UGGT2: variants seen among roughly 807,000 people sequenced by gnomAD.
The protein encoded by UGGT2 is UDP-glucose glycoprotein glucosyltransferase 2, also known as UDP-glucose:glycoprotein glucosyltransferase 2.
UGGT2 carries 180 observed loss-of-function variants against 192.1 expected under a neutral mutation model. The observed-to-expected ratio is 0.94, with a 90% CI of 0.83 to 1.06. UGGT2 has a LOEUF of 1.06. Ranked by LOEUF, UGGT2 falls within the 50% of genes least tolerant of loss-of-function variation. The pLI is 0.00. For synonymous variants in UGGT2, 580 were observed against 591.0 expected, an observed-to-expected ratio of 0.98 and a Z score of 0.27; for missense variants, 1,849 against 1,795.7, an observed-to-expected ratio of 1.03 and a Z score of -0.54.
In UGGT2 at chr13:95,900,850, A is replaced by G. The variant is rs190052031; in HGVS notation, c.2591T>C (p.Leu864Pro). The G allele has an allele frequency of 2.5e-6, 4 of 1,611,884 alleles. No homozygotes were observed. In the East Asian group the frequency reaches 8.9e-5, roughly 36 times the overall value. ...ACCCATTTCTCCAGGACGTAATTTA[A>G]GTACATCTTGACAGAACAACTGGTG... Reference protein sequence around the residue: ...RTHQLFCQDVLKLRPGEMGIV... With the variant: ...RTHQLFCQDVPKLRPGEMGIV... The change falls in exon 22 of 39, where the codon CTT becomes CCT. Residue 864 changes from leucine (L) to proline (P), a missense_variant. By Grantham distance (98) the Leu-to-Pro change is moderately conservative. Transcript: ENST00000376747.
intron 27 of UGGT2, among the ~76,000 whole-genome samples, chr13:95,884,027 T>C (rs1201621848): frequency 7.3e-6 from 1 of 137,354 alleles, no homozygotes; most frequent in Non-Finnish European, 1.5e-5. Context: ...TACCCTAATT[T>C]AGTTAGGACT....
rs758396566 is a variant in UGGT2 at position 95,884,550 on chromosome 13, C to T, written c.3169G>A (p.Gly1057Ser). 15 of 1,613,796 alleles carry T rather than the reference C, an allele frequency of 9.3e-6. No individual in the cohort carries two copies. In the Admixed American group the frequency reaches 1.8e-4, roughly 20 times the overall value. Reference protein sequence around the residue: ...LLILNMITPEGWLVETVHSNC... With the variant: ...LLILNMITPESWLVETVHSNC... ...CTGTGCACTGTTTCAACCAACCAGC[C>T]TTCTGGAGTAATCATGTTGAGGATT... Residue 1057 changes from glycine (G) to serine (S), a missense_variant, in exon 27 of 39, where the codon GGC becomes AGC. Gly to Ser is a moderately conservative substitution (Grantham distance 56, BLOSUM62 0). Coordinates refer to ENST00000376747, the MANE Select transcript of UGGT2 (RefSeq NM_020121.4).
intron 5 of UGGT2, among the ~76,000 whole-genome samples, chr13:96,002,161 C>T (rs1274845876): frequency 1.3e-5 from 2 of 152,262 alleles, no homozygotes; most frequent in African/African-American, 2.4e-5. Flanking sequence ...TCTCCCACTC[C>T]CGTTCCTATT....
intron 10 of UGGT2, among the ~76,000 whole-genome samples, chr13:95,981,694 G>A (rs916413537): frequency 2.0e-5 from 3 of 152,070 alleles, no homozygotes; most frequent in Admixed American, 6.6e-5. Flanking sequence ...TGTACTTTTC[G>A]GTTTGTATGG....
intron 26 of UGGT2, among the ~76,000 whole-genome samples, chr13:95,886,781 G>A (rs577954234): frequency 6.6e-6 from 1 of 152,270 alleles, no homozygotes; most frequent in Non-Finnish European, 1.5e-5. Flanking sequence ...AGTGGCTCAT[G>A]CCTATAATCC....
intron 12 of UGGT2, among the ~76,000 whole-genome samples, chr13:95,962,650 C>T (rs1352548443): frequency 6.6e-6 from 1 of 152,054 alleles, no homozygotes; most frequent in Non-Finnish European, 1.5e-5. Flanking sequence ...TCAAATTATT[C>T]CCAAAAAAAT....
At chr13:95,830,909 A>C (rs1429545592) in intron 38 of UGGT2, among the ~76,000 whole-genome samples, 1 of 152,250 alleles carries the variant, frequency 6.6e-6, no homozygotes, top group Non-Finnish European at 1.5e-5. Flanking sequence ...CTGGATTAAG[A>C]AAATGTGGCA....
At chr13:95,908,779 CT>C (rs1278596803) in intron 20 of UGGT2, among the ~76,000 whole-genome samples, 2 of 132,176 alleles carry the variant, frequency 1.5e-5, no homozygotes, top group Non-Finnish European at 3.2e-5. Flanking sequence ...CCTTTGCCCA[CT>C]TTTTGATGGG....
intron 36 of UGGT2, among the ~76,000 whole-genome samples, chr13:95,851,046 C>A (rs2140019790): frequency 6.6e-6 from 1 of 152,320 alleles, no homozygotes; most frequent in African/African-American, 2.4e-5. Context: ...CAACTGAGGT[C>A]TTAATTGAAT....
chr13:95,906,716 T>C (rs182584832), intron 20 of UGGT2, among the ~76,000 whole-genome samples: 57 of 152,234 alleles, frequency 3.7e-4, no homozygotes, highest in African/African-American at 1.3e-3. Context: ...AGAAGAGAAA[T>C]GCTTTTTTCA....
At chr13:95,883,551 T>A (rs2047554674) in intron 27 of UGGT2, among the ~76,000 whole-genome samples, 4 of 152,170 alleles carry the variant, frequency 2.6e-5, no homozygotes, top group Non-Finnish European at 5.9e-5. Flanking sequence ...TCCCCCTTGC[T>A]GTTCTCATGG....
chr13:96,028,321 A>G (rs2052727712), intron 2 of UGGT2, among the ~76,000 whole-genome samples: 1 of 152,224 alleles, frequency 6.6e-6, no homozygotes, highest in Non-Finnish European at 1.5e-5. Flanking sequence ...AAGCCTTAAC[A>G]TTTTTTGAAA....
intron 38 of UGGT2, among the ~76,000 whole-genome samples, chr13:95,821,256 T>C (rs896162048): frequency 6.6e-6 from 1 of 152,172 alleles, no homozygotes; most frequent in African/African-American, 2.4e-5. Context: ...CATCTACTCA[T>C]TTCTGACTTT....
At chr13:96,047,868 C>T (rs1451153194) in intron 1 of UGGT2, among the ~76,000 whole-genome samples, 2 of 152,080 alleles carry the variant, frequency 1.3e-5, no homozygotes, top group African/African-American at 4.8e-5. Flanking sequence ...GAGATTTAGA[C>T]TCCCACACAA....
chr13:95,926,372 T>A (rs1443731324), intron 19 of UGGT2, among the ~76,000 whole-genome samples: 1 of 152,170 alleles, frequency 6.6e-6, no homozygotes, highest in Non-Finnish European at 1.5e-5. Context: ...ATCTGTTTAA[T>A]GAACTCTCAC....
At chr13:95,984,856 T>C (rs2051240722) in intron 9 of UGGT2, 2 of 152,734 alleles carry the variant, frequency 1.3e-5, no homozygotes, top group Admixed American at 1.3e-4. Flanking sequence ...AATAAGTATA[T>C]ATTATTTCCT....
intron 15 of UGGT2, among the ~76,000 whole-genome samples, chr13:95,945,825 C>T (rs2049847669): frequency 6.6e-6 from 1 of 151,898 alleles, no homozygotes; most frequent in African/African-American, 2.4e-5. Context: ...CAAACTGTAC[C>T]CCTGCCAAAT....
intron 29 of UGGT2, among the ~76,000 whole-genome samples, chr13:95,875,007 G>T (rs1398668112): frequency 6.6e-6 from 1 of 151,986 alleles, no homozygotes. Flanking sequence ...TAAATTTAAC[G>T]TTTCTAGGAA....
chr13:95,998,871 G>A (rs1216601025), intron 6 of UGGT2, among the ~76,000 whole-genome samples: 1 of 151,922 alleles, frequency 6.6e-6, no homozygotes, highest in East Asian at 1.9e-4. Flanking sequence ...AGATGCCTAT[G>A]CCAGTCACCT....
Sources: gnomAD v4.1 joint callset for allele counts (sites outside exome capture counted in the v4.1 genomes callset) on GRCh38, gnomAD v4.1.1 for gene constraint, MANE v1.5 for transcripts, NCBI Gene and HGNC (gene_info 2026-07-23, HGNC 2026-07-21) for gene names.